The following POTEC variants were observed in gnomAD, a reference collection of about 807,000 sequenced individuals.
POTEC encodes ANKRD26-like family B member 2.
A neutral mutation model predicts 62.0 loss-of-function variants in POTEC; 35 were observed. The ratio of observed to expected loss-of-function variants is 0.56; its 90% CI spans 0.43 to 0.75. The LOEUF (loss-of-function observed/expected upper bound fraction) is 0.75. POTEC is among the 30% of genes least tolerant of loss of function. The pLI is 0.00. For missense variants in POTEC, 472 were observed against 655.9 expected (o/e 0.72, Z 3.06); for synonymous variants, 156 against 221.5 (o/e 0.70, Z 2.62).
rs1910072872 is a variant in POTEC at position 14,513,653 on chromosome 18, A to C, written c.1533+9T>G. 8 of 1,611,006 alleles carry C rather than the reference A, an allele frequency of 5.0e-6. No individual in the cohort carries two copies. Among genetic ancestry groups the C allele is most frequent in the African/African-American group, 1.3e-5 (1 of 74,782 alleles). Reference sequence around the variant, plus strand: ...TATGAAAACATTTGAAAATGACTAAAGAAAATACCTCAGAATTCATTTTCT... The same window carrying C: ...TATGAAAACATTTGAAAATGACTAACGAAAATACCTCAGAATTCATTTTCT... On this transcript the variant is annotated intron_variant, in intron 10 of 10. Transcript: ENST00000358970.
At chr18:14,518,094 TA>T in intron 9 of POTEC, among the ~76,000 whole-genome samples, 1 of 152,344 alleles carries the variant, frequency 6.6e-6, no homozygotes, top group South Asian at 2.1e-4. Context: ...CAAACATTTT[TA>T]AAGTGAGAAT....
chr18:14,537,172 A>AACACACAC (rs1158054861), intron 3 of POTEC, among the ~76,000 whole-genome samples: 1,928 of 64,594 alleles, frequency 0.03, 108 homozygotes, highest in Middle Eastern at 0.069. Context: ...CAACAATAAC[A>AACACACAC]ACACACACAC....
chr18:14,539,883 C>T (rs1905874490), intron 1 of POTEC, among the ~76,000 whole-genome samples: 1 of 151,990 alleles, frequency 6.6e-6, no homozygotes, highest in African/African-American at 2.4e-5. Flanking sequence ...GTGGAAGGAT[C>T]CTGAGAGATG....
At position 14,542,008 on chromosome 18, in the gene POTEC, T is replaced by C. The variant is rs7233789; in HGVS notation, c.521+618A>G. ...TTTCCATTCTGTTACAAAAAATCAA[T>C]TTATCACAATGATAAAATACATCAT... On this transcript the variant is annotated intron_variant, in intron 1 of 10. Transcript: ENST00000358970. 8.6e-3 allele frequency among the ~76,000 whole-genome samples: 1,315 copies of C among 152,304 alleles called. 19 individuals carry two copies. The highest frequency in any genetic ancestry group is 0.041 in the South Asian group (197 of 4,830).
chr18:14,537,172 AAC>A lies in POTEC; in HGVS notation c.810+627_810+628del, dbSNP rs1158054861. 3.8e-3 allele frequency among the ~76,000 whole-genome samples: 249 copies of A among 64,744 alleles called. 3 individuals are homozygous for A. The highest frequency in any genetic ancestry group is 9.5e-3 in the African/African-American group (161 of 16,962). The allele number at this position is 64,744 out of a possible 152,430, so 42.5% of individuals were successfully genotyped here. ...AAGGAAACGAATGAACAACAATAAC[AAC>A]ACACACACACACACACACACACACA... On this transcript the variant is annotated intron_variant, in intron 3 of 10. Coordinates refer to ENST00000358970, the MANE Select transcript of POTEC (RefSeq NM_001137671.2).
chr18:14,537,569 GTGTT>G (rs1905784870), intron 3 of POTEC, among the ~76,000 whole-genome samples: 1 of 151,872 alleles, frequency 6.6e-6, no homozygotes. Context: ...TACAAATTCA[GTGTT>G]TTTTTTAAAA....
At position 14,537,940 on chromosome 18, in the gene POTEC, A is replaced by G. The variant is rs754364984; in HGVS notation, c.671T>C (p.Met224Thr). The change falls in exon 3 of 11, where the codon ATG becomes ACG. Residue 224 changes from methionine to threonine, a missense_variant. Met to Thr is a moderately conservative substitution (Grantham distance 81). Transcript: ENST00000358970. The part of the protein sequence containing the change: ...VQCQEDECVL[M>T]LLEHGADQNI... ...TTGATCAGCGCCATGTTCCAGCAAC[A>G]TTAACACACATTCATCTTCCTGGCA... 2 of 1,612,584 alleles carry G rather than the reference A, an allele frequency of 1.2e-6. No homozygotes were observed. The highest frequency in any genetic ancestry group is 1.7e-6 in the Non-Finnish European group (2 of 1,179,760).
intron 6 of POTEC, among the ~76,000 whole-genome samples, chr18:14,526,604 C>T (rs1192490062): frequency 1.3e-5 from 2 of 151,946 alleles, no homozygotes; most frequent in African/African-American, 4.8e-5. Context: ...TGACAGCATG[C>T]CACACAGCAG....
At chr18:14,515,072 C>G (rs1029358562) in intron 9 of POTEC, among the ~76,000 whole-genome samples, 17 of 152,078 alleles carry the variant, frequency 1.1e-4, no homozygotes, top group African/African-American at 3.9e-4. Context: ...AATAAATGAA[C>G]ATACATTCTA....
chr18:14,525,560 C>T (rs1714900931), intron 6 of POTEC, among the ~76,000 whole-genome samples: 2 of 151,592 alleles, frequency 1.3e-5, no homozygotes, highest in African/African-American at 4.8e-5. Context: ...TCTTGTTTTC[C>T]TTCAATGCAG....
intron 7 of POTEC, 87 bp downstream of exon 7, chr18:14,524,826 A>G: frequency 7.0e-7 from 1 of 1,428,446 alleles, no homozygotes; most frequent in Non-Finnish European, 9.3e-7. Context: ...ACCTAGTCTG[A>G]AAGGTAATTT....
chr18:14,523,665 TA>T (rs1282021548), intron 7 of POTEC, among the ~76,000 whole-genome samples, 158 bp from the exon 8 acceptor site: 1 of 151,766 alleles, frequency 6.6e-6, no homozygotes, highest in Non-Finnish European at 1.5e-5. Context: ...AATAATTAAA[TA>T]AATAAATAAT....
chr18:14,542,792 C>G lies in POTEC; in HGVS notation c.355G>C (p.Ala119Pro), dbSNP rs201849570. 4.0e-5 allele frequency: 64 copies of G among 1,613,628 alleles called. No individual in the cohort carries two copies. Among genetic ancestry groups the G allele is most frequent in the African/African-American group, 5.3e-5 (4 of 74,856 alleles). Residue 119 changes from alanine (A) to proline (P), a missense_variant, in exon 1 of 11, where the codon GCT becomes CCT. Ala to Pro is a conservative substitution (Grantham distance 27). Transcript: ENST00000358970. ...GCGCTGTCGTCGTAGTCTCCCCAAG[C>G]GCCCACGTTGCTCTTGCCGCTCCCC... ...CRGSGKSNVG[A>P]WGDYDDSAFM...
chr18:14,520,638 GGAAA>G (rs1327095096), intron 9 of POTEC, among the ~76,000 whole-genome samples: 12 of 151,768 alleles, frequency 7.9e-5, no homozygotes, highest in African/African-American at 2.9e-4. Flanking sequence ...TTTTCTCAAA[GGAAA>G]GATAATGTCA....
intron 4 of POTEC, among the ~76,000 whole-genome samples, chr18:14,534,414 C>T (rs193036035): frequency 2.0e-5 from 3 of 151,930 alleles, no homozygotes; most frequent in Admixed American, 6.6e-5. Context: ...TGTCATGTGG[C>T]GATAAGCTAA....
At chr18:14,531,316 T>G (rs1187476314) in intron 5 of POTEC, among the ~76,000 whole-genome samples, 1 of 149,996 alleles carries the variant, frequency 6.7e-6, no homozygotes, top group African/African-American at 2.5e-5. Context: ...AGACCTGGCT[T>G]GGAGCAATGA....
rs1161597564 is a variant in POTEC, at chr18:14,543,120, G to A, written c.27C>T (p.Pro9=). The change falls in exon 1 of 11, where the codon CCC becomes CCT. Residue 9 remains proline, a synonymous_variant. Coordinates refer to ENST00000358970, the MANE Select transcript of POTEC (RefSeq NM_001137671.2). The part of the protein sequence containing the change: MVTEVCSM[P]AASAVKKPFD... ...ATGGCTTCTTCACAGCAGAGGCAGC[G>A]GGCATTGAACAAACCTCAGTCACCA... is the stretch of plus-strand genomic sequence containing the variant. 5.6e-6 allele frequency: 9 copies of A among 1,613,920 alleles called. No homozygotes were observed. Among genetic ancestry groups the A allele is most frequent in the South Asian group, 1.1e-5 (1 of 91,078 alleles).
rs1288695069 is a variant in POTEC, at chr18:14,526,536, A to G, written c.1127-1553T>C. On this transcript the variant is annotated intron_variant, in intron 6 of 10. Coordinates refer to ENST00000358970, the MANE Select transcript of POTEC (RefSeq NM_001137671.2). ...ATGGCTTTTCTAGAACACCTGCCCA[A>G]GCAGAGACTCAAATATTGAGGCTAG... is the stretch of plus-strand genomic sequence containing the variant. Among the ~76,000 whole-genome samples, 3 of 152,146 alleles carry G rather than the reference A, an allele frequency of 2.0e-5. No homozygotes were observed. In the East Asian group the frequency reaches 5.8e-4, roughly 29 times the overall value.
intron 6 of POTEC, 33 bp downstream of exon 6, chr18:14,530,450 T>C (rs762124014): frequency 6.2e-7 from 1 of 1,601,848 alleles, no homozygotes; most frequent in Admixed American, 1.7e-5. Context: ...TGTGGACAAC[T>C]GACCTAAAGT....
Sources: gnomAD v4.1 joint callset for allele counts (sites outside exome capture counted in the v4.1 genomes callset) on GRCh38, gnomAD v4.1.1 for gene constraint, MANE v1.5 for transcripts, NCBI Gene and HGNC (gene_info 2026-07-23, HGNC 2026-07-21) for gene names.